Variants in LARGE1 observed in about 807,000 individuals in gnomAD.
LARGE1 encodes xylosyl- and glucuronyltransferase LARGE1.
In LARGE1, 43 loss-of-function variants were observed where a neutral mutation model predicts 87.6. That is an observed-to-expected ratio of 0.49 (90% confidence interval 0.38 to 0.63). The LOEUF is 0.63. Among genes scored for constraint, LARGE1 ranks in the 30% least tolerant of loss-of-function variants. LARGE1 has a pLI of 0.00. For synonymous variants in LARGE1, 434 were observed against 394.6 expected, an observed-to-expected ratio of 1.10 and a Z score of -1.18; for missense variants, 802 against 1,000.2, an observed-to-expected ratio of 0.80 and a Z score of 2.67.
intron 1 of LARGE1, among the ~76,000 whole-genome samples, chr22:33,762,213 CAAAAAAAAAAAAAAA>C (rs56832457): frequency 5.9e-5 from 5 of 84,446 alleles, no homozygotes; most frequent in Admixed American, 2.4e-4. Context: ...GATTCTATCT[CAAAAAAAAAAAAAAA>C]AAAAAAAAAA....
chr22:33,647,838 A>G (rs1198968210), intron 3 of LARGE1, among the ~76,000 whole-genome samples: 9 of 152,028 alleles, frequency 5.9e-5, no homozygotes, highest in Non-Finnish European at 1.0e-4. Flanking sequence ...GCTCACTGCA[A>G]TCTCCACTTC....
intron 11 of LARGE1, among the ~76,000 whole-genome samples, chr22:33,200,607 T>A (rs989071483): frequency 2.6e-5 from 4 of 152,234 alleles, no homozygotes; most frequent in African/African-American, 4.8e-5. Context: ...CATCCACTGA[T>A]GAATGAATAA....
At chr22:33,798,327 C>T (rs2086052670) in intron 1 of LARGE1, among the ~76,000 whole-genome samples, 1 of 148,414 alleles carries the variant, frequency 6.7e-6, no homozygotes, top group Non-Finnish European at 1.5e-5. Context: ...AAATGAAGTA[C>T]CTAGATATTA....
intron 5 of LARGE1, among the ~76,000 whole-genome samples, chr22:33,601,266 T>A (rs1388069039): frequency 1.3e-5 from 2 of 152,158 alleles, no homozygotes; most frequent in East Asian, 3.9e-4. Flanking sequence ...CACTTGCCAT[T>A]GTGCTGGGGA....
intron 6 of LARGE1, among the ~76,000 whole-genome samples, chr22:33,519,252 G>GTA (rs941918075): frequency 5.3e-5 from 8 of 152,116 alleles, no homozygotes; most frequent in Middle Eastern, 3.4e-3. Context: ...GTGTGTGTGT[G>GTA]TGTGTGGTCA....
intron 11 of LARGE1, among the ~76,000 whole-genome samples, chr22:33,266,664 C>G (rs1275416777): frequency 6.6e-6 from 1 of 151,694 alleles, no homozygotes; most frequent in Non-Finnish European, 1.5e-5. Flanking sequence ...GACTCTCCAG[C>G]AGGAGTATGA....
chr22:33,853,743 C>T lies in LARGE1; in HGVS notation c.-83+66252G>A, dbSNP rs144766181. Among the ~76,000 whole-genome samples the T allele has an allele frequency of 1.7e-3, 260 of 152,352 alleles. 1 individual carries two copies. The highest frequency in any genetic ancestry group is 5.8e-3 in the African/African-American group (241 of 41,586). On this transcript the variant is annotated intron_variant, in intron 1 of 14. Coordinates refer to ENST00000397394, the MANE Select transcript of LARGE1 (RefSeq NM_133642.5). ...TTGGAAACAGCTTGGTGCCAGAGCA[C>T]GTCCACAAGGATATGTCTGCCTGTT...
chr22:33,857,551 T>G (rs2063790362), intron 1 of LARGE1, among the ~76,000 whole-genome samples: 1 of 152,226 alleles, frequency 6.6e-6, no homozygotes. Flanking sequence ...TAATTAGTAA[T>G]TAATGCTCTC....
At chr22:33,359,687 TC>T (rs2064312278) in intron 9 of LARGE1, among the ~76,000 whole-genome samples, 1 of 143,942 alleles carries the variant, frequency 6.9e-6, no homozygotes, top group African/African-American at 2.6e-5. Flanking sequence ...CCTCAGCTTC[TC>T]GAGTAGCTGG....
intron 9 of LARGE1, among the ~76,000 whole-genome samples, chr22:33,371,592 A>G (rs2064808941): frequency 6.6e-6 from 1 of 152,256 alleles, no homozygotes; most frequent in Non-Finnish European, 1.5e-5. Context: ...GGTTAACAGG[A>G]CAATAACTTG....
At chr22:33,676,547 A>T (rs775219235) in intron 2 of LARGE1, among the ~76,000 whole-genome samples, 2 of 151,772 alleles carry the variant, frequency 1.3e-5, no homozygotes, top group Admixed American at 1.3e-4. Context: ...TAAATCTACA[A>T]TATCTGCCAT....
chr22:33,451,970 C>T lies in LARGE1; in HGVS notation c.788-19705G>A, dbSNP rs370180336. 2.0e-5 allele frequency among the ~76,000 whole-genome samples: 3 copies of T among 152,224 alleles called. No individual in the cohort carries two copies. The East Asian group carries it at 5.8e-4, about 29-fold the overall frequency. ...GAGTTACTTCACTGAGACTAATGGT[C>T]TCCAATTACACCCAGGTTCCTCTTC... On this transcript the variant is annotated intron_variant, in intron 6 of 14. Transcript: ENST00000397394.
rs116061253 is a variant in LARGE1, at chr22:33,541,849, C to T, written c.787+22999G>A. ...CATTTGGGGTTGAGCCCCTACTGTA[C>T]GTGTCTATGAGAAACATTAAGAGCT... On this transcript the variant is annotated intron_variant, in intron 6 of 14. Transcript: ENST00000397394. 1.8e-3 allele frequency among the ~76,000 whole-genome samples: 272 copies of T among 151,734 alleles called. 1 individual carries two copies. Among genetic ancestry groups the T allele is most frequent in the African/African-American group, 6.2e-3 (255 of 41,378 alleles).
intron 6 of LARGE1, among the ~76,000 whole-genome samples, chr22:33,559,142 G>A (rs9621720): frequency 0.013 from 1,975 of 152,288 alleles, 44 homozygotes; most frequent in African/African-American, 0.045. Flanking sequence ...TCAAGGCTCC[G>A]GCAGATCAGA....
In LARGE1 at chr22:33,382,009, G is replaced by A. The variant is rs191426678; in HGVS notation, c.1041C>T (p.Phe347=). 6.2e-7 allele frequency: 1 copy of A among 1,614,170 alleles called. No homozygotes were observed. The highest frequency in any genetic ancestry group is 8.5e-7 in the Non-Finnish European group (1 of 1,180,028). ...AGAAGCAGGGGAGCTGGTACACAAGGAAGGGGTTTTGTTTGATGACGGCAT... is the reference window on the plus strand; with the variant it reads ...AGAAGCAGGGGAGCTGGTACACAAGAAAGGGGTTTTGTTTGATGACGGCAT... ...IFNAVIKQNP[F]LVYQLPCFWN... The change falls in exon 9 of 15, where the codon TTC becomes TTT. Residue 347 remains phenylalanine, a synonymous_variant. Transcript: ENST00000397394.
At position 33,204,836 on chromosome 22, in the gene LARGE1, A is replaced by G. The variant is rs368575536; in HGVS notation, c.1731-38004T>C. Among the ~76,000 whole-genome samples the G allele has an allele frequency of 7.9e-5, 12 of 152,104 alleles. No homozygotes were observed. In the South Asian group the frequency reaches 1.9e-3, roughly 24 times the overall value. On this transcript the variant is annotated intron_variant, in intron 11 of 11. Transcript: ENST00000608642. ...GCCTCTATTGTAGGAATTACTATAGAAGGGTTCTGTTGAAAGTATCTTAAC... is the reference window on the plus strand; with the variant it reads ...GCCTCTATTGTAGGAATTACTATAGGAGGGTTCTGTTGAAAGTATCTTAAC...
chr22:33,798,480 C>T (rs779675825), intron 1 of LARGE1, among the ~76,000 whole-genome samples: 2 of 152,112 alleles, frequency 1.3e-5, no homozygotes, highest in Non-Finnish European at 2.9e-5. Flanking sequence ...TCTGGGATCC[C>T]GACGGCTTGA....
At chr22:33,680,659 C>T (rs1053308311) in intron 2 of LARGE1, among the ~76,000 whole-genome samples, 1 of 152,122 alleles carries the variant, frequency 6.6e-6, no homozygotes, top group African/African-American at 2.4e-5. Context: ...AGGGTGAAGG[C>T]CGCCCATGAG....
At chr22:33,686,581 A>G (rs2081951044) in intron 2 of LARGE1, among the ~76,000 whole-genome samples, 1 of 74 alleles carries the variant, frequency 0.014, no homozygotes. Context: ...AATGATATGA[A>G]TAACTTAACA....
Sources: gnomAD v4.1 joint callset for allele counts (sites outside exome capture counted in the v4.1 genomes callset) on GRCh38, gnomAD v4.1.1 for gene constraint, MANE v1.5 for transcripts, NCBI Gene and HGNC (gene_info 2026-07-23, HGNC 2026-07-21) for gene names.